The following RBM20 variants were observed in gnomAD, a reference collection of about 807,000 sequenced individuals.
RBM20 encodes the protein RNA-binding protein 20.
In RBM20, 51 loss-of-function variants were observed where a neutral mutation model predicts 110.1. The observed-to-expected ratio is 0.46, with a 90% confidence interval of 0.37 to 0.59. The LOEUF (loss-of-function observed/expected upper bound fraction) is 0.59. Ranked by LOEUF, RBM20 falls within the 20% of genes least tolerant of loss-of-function variation. The probability of loss-of-function intolerance (pLI) is 0.00; values close to 1 mark genes in which losing one functional copy is unlikely to be tolerated. For missense variants in RBM20, 1,512 were observed against 1,574.9 expected, an observed-to-expected ratio of 0.96 and a Z score of 0.68; for synonymous variants, 589 against 618.2, an observed-to-expected ratio of 0.95 and a Z score of 0.70.
intron 1 of RBM20, among the ~76,000 whole-genome samples, chr10:110,686,514 A>G (rs374429571): frequency 6.6e-6 from 1 of 152,102 alleles, no homozygotes; most frequent in Non-Finnish European, 1.5e-5. Context: ...AGTCCCAGCT[A>G]CTTGGGAGGC....
In RBM20 at chr10:110,783,431, A is replaced by T. The variant is rs1311198291; in HGVS notation, c.1337+4A>T. ...AATGCCTGGTCTTCTCTGAAAAGTA[A>T]GTGCTGTTCAGGAGGACAGGCTCAT... On this transcript the variant is annotated splice_donor_region_variant and intron_variant, in intron 3 of 13. Coordinates refer to ENST00000369519, the MANE Select transcript of RBM20 (RefSeq NM_001134363.3). The T allele has an allele frequency of 6.5e-7, 1 of 1,548,676 alleles. No homozygotes were observed. Among genetic ancestry groups the T allele is most frequent in the East Asian group, 2.4e-5 (1 of 40,886 alleles).
At position 110,839,088 on chromosome 10, in the gene RBM20, T is replaced by A. The variant is rs1176925954; in HGVS notation, c.*3110T>A. 6.6e-6 allele frequency: 1 copy of A among 152,234 alleles called. No homozygotes were observed. The highest frequency in any genetic ancestry group is 2.4e-5 in the African/African-American group (1 of 41,456). 9.4% of individuals were successfully genotyped at this position (152,234 alleles called of 1,614,324 possible). On this transcript the variant is annotated 3_prime_UTR_variant, in exon 14 of 14. Transcript: ENST00000369519. ...CAACAGATTCATATTTACCCTGGGT[T>A]AATACAACAAAAGGCCTGTATAATT...
intron 1 of RBM20, among the ~76,000 whole-genome samples, chr10:110,705,715 A>AGG (rs1862827435): frequency 6.6e-6 from 1 of 152,238 alleles, no homozygotes; most frequent in Admixed American, 6.5e-5. Context: ...TGGTTGCAAT[A>AGG]ATTGTTTGGA....
At chr10:110,764,292 G>C (rs1285046727) in intron 1 of RBM20, among the ~76,000 whole-genome samples, 1 of 150,716 alleles carries the variant, frequency 6.6e-6, no homozygotes, top group African/African-American at 2.4e-5. Context: ...CAAACAAACA[G>C]ACCACCACCA....
chr10:110,812,074 TAGG>T (rs1290022895), intron 8 of RBM20, among the ~76,000 whole-genome samples: 6 of 152,202 alleles, frequency 3.9e-5, no homozygotes, highest in African/African-American at 1.4e-4. Flanking sequence ...GTGCTGTGCT[TAGG>T]AGAAGTCCTC....
Position 110,784,867 on chromosome 10 carries a change from C to T in RBM20, c.1505C>T (p.Pro502Leu). Residue 502 changes from proline to leucine, a missense_variant, in exon 5 of 14, where the codon CCT becomes CTT. Pro to Leu is a moderately conservative substitution (Grantham distance 98). Around this residue, in one of 3 missense-constraint regions of RBM20, gnomAD observed 1,149 missense variants for 1,169.4 expected, o/e 0.98. Coordinates refer to ENST00000369519, the MANE Select transcript of RBM20 (RefSeq NM_001134363.3). ...RSFTQSSPTFPLASVGTTFAQ... is the reference protein window; with the variant it reads ...RSFTQSSPTFLLASVGTTFAQ... Reference sequence around the variant, plus strand: ...TTCACTCAGTCAAGCCCCACATTTCCTTTGGCTTCTGTGGGGACAACTGTG... The same window carrying T: ...TTCACTCAGTCAAGCCCCACATTTCTTTTGGCTTCTGTGGGGACAACTGTG... 2 of 1,548,268 alleles carry T rather than the reference C, an allele frequency of 1.3e-6. No homozygotes were observed. Among genetic ancestry groups the T allele is most frequent in the Non-Finnish European group, 8.7e-7 (1 of 1,143,964 alleles).
intron 1 of RBM20, among the ~76,000 whole-genome samples, chr10:110,689,265 A>C (rs1179037931): frequency 6.6e-6 from 1 of 152,210 alleles, no homozygotes; most frequent in Admixed American, 6.5e-5. Context: ...GGGGCCTCCC[A>C]TGAGTCAGGC....
chr10:110,664,372 T>A (rs1862148251), intron 1 of RBM20, among the ~76,000 whole-genome samples: 1 of 152,156 alleles, frequency 6.6e-6, no homozygotes, highest in African/African-American at 2.4e-5. Context: ...ATTGAACAAT[T>A]TGGGCATTAA....
chr10:110,765,488 T>C (rs1339403131), intron 1 of RBM20, among the ~76,000 whole-genome samples: 1 of 152,074 alleles, frequency 6.6e-6, no homozygotes, highest in Non-Finnish European at 1.5e-5. Flanking sequence ...TTAAGTAAAG[T>C]TAAGTGTTTA....
chr10:110,745,296 T>C (rs1843766056), intron 1 of RBM20, among the ~76,000 whole-genome samples: 2 of 152,164 alleles, frequency 1.3e-5, no homozygotes, highest in African/African-American at 2.4e-5. Context: ...TCCCAGGGAT[T>C]TGATCCCTGC....
Position 110,812,708 on chromosome 10 carries a change from T to C in RBM20, c.2311T>C (p.Tyr771His). ...AGAGCCCAAAGCCAAGTCGGACAAGTATCTGAAGCAGCAGCAGGATGCCCC... is the reference window on the plus strand; with the variant it reads ...AGAGCCCAAAGCCAAGTCGGACAAGCATCTGAAGCAGCAGCAGGATGCCCC... ...RKEPKAKSDKYLKQQQDAPGR... is the reference protein window; with the variant it reads ...RKEPKAKSDKHLKQQQDAPGR... The change falls in exon 9 of 14, where the codon TAT becomes CAT. Residue 771 changes from tyrosine to histidine, a missense_variant. By Grantham distance (83) the Tyr-to-His change is moderately conservative. Transcript: ENST00000369519. The C allele has an allele frequency of 3.2e-6, 5 of 1,551,466 alleles. No individual in the cohort carries two copies. Among genetic ancestry groups the C allele is most frequent in the Non-Finnish European group, 4.4e-6 (5 of 1,146,950 alleles).
chr10:110,749,368 A>AG (rs1161787722), intron 1 of RBM20, among the ~76,000 whole-genome samples: 1 of 152,260 alleles, frequency 6.6e-6, no homozygotes, highest in Non-Finnish European at 1.5e-5. Context: ...GAAATGTTAT[A>AG]GAAAAAAAGA....
intron 1 of RBM20, among the ~76,000 whole-genome samples, chr10:110,776,087 G>A (rs1844258895): frequency 6.6e-6 from 1 of 152,160 alleles, no homozygotes; most frequent in Non-Finnish European, 1.5e-5. Context: ...ACTGTTGCCA[G>A]AGGGATGTGG....
At chr10:110,666,824 C>T (rs973114824) in intron 1 of RBM20, among the ~76,000 whole-genome samples, 4 of 152,106 alleles carry the variant, frequency 2.6e-5, no homozygotes, top group African/African-American at 9.7e-5. Flanking sequence ...GTTTTACAAG[C>T]AGCTGTAATA....
rs1485296347 is a variant in RBM20 at position 110,837,070 on chromosome 10, G to A, written c.*1092G>A. On this transcript the variant is annotated 3_prime_UTR_variant, in exon 14 of 14. Transcript: ENST00000369519. ...CTCACAGTAGGATGGTTTTTAAATG[G>A]CCCCCCAGTTGGGGGAGAAGCTAAG... 2 of 152,212 alleles carry A rather than the reference G, an allele frequency of 1.3e-5. No homozygotes were observed. Among genetic ancestry groups the A allele is most frequent in the East Asian group, 3.8e-4 (2 of 5,204 alleles). The allele number at this position is 152,212 out of a possible 1,614,324, so 9.4% of individuals were successfully genotyped here.
At chr10:110,775,228 C>G (rs1844245916) in intron 1 of RBM20, among the ~76,000 whole-genome samples, 1 of 152,228 alleles carries the variant, frequency 6.6e-6, no homozygotes, top group African/African-American at 2.4e-5. Context: ...CATCAGCCCT[C>G]TCACCTCGAT....
chr10:110,779,373 G>T (rs1463069144), intron 1 of RBM20, among the ~76,000 whole-genome samples: 1 of 152,222 alleles, frequency 6.6e-6, no homozygotes, highest in Non-Finnish European at 1.5e-5. Flanking sequence ...GGAGAGGGGG[G>T]TGCCCGAGAG....
intron 1 of RBM20, among the ~76,000 whole-genome samples, chr10:110,686,462 G>C (rs1476935993): frequency 6.6e-6 from 1 of 151,788 alleles, no homozygotes; most frequent in Non-Finnish European, 1.5e-5. Context: ...ATTTTAATGT[G>C]CTTTTTAAAA....
chr10:110,727,143 CTTTTTTTTTTTTTT>C (rs57606079), intron 1 of RBM20, among the ~76,000 whole-genome samples: 16,398 of 80,992 alleles, frequency 0.2, 1,268 homozygotes, highest in African/African-American at 0.24. Context: ...TGCACCCAGC[CTTTTTTTTTTTTTT>C]TTTTTTTTTT....
Sources: gnomAD v4.1 joint callset for allele counts (sites outside exome capture counted in the v4.1 genomes callset) on GRCh38, gnomAD v4.1.1 for gene constraint, gnomAD v4.1.1 regional missense constraint, MANE v1.5 for transcripts, NCBI Gene and HGNC (gene_info 2026-07-23, HGNC 2026-07-21) for gene names.